Variants in LYVE1 observed in about 807,000 individuals in gnomAD.
LYVE1 encodes lymphatic vessel endothelial hyaluronan receptor 1, also known as lymphatic vessel endothelial hyaluronic acid receptor 1.
In LYVE1, 29 loss-of-function variants were observed where a neutral mutation model predicts 31.5. The ratio of observed to expected loss-of-function variants is 0.92; its 90% CI spans 0.69 to 1.26. LYVE1 has a LOEUF of 1.26. Ranked by LOEUF, LYVE1 falls within the 50% of genes most tolerant of loss-of-function variation. LYVE1 has a pLI of 0.00. For synonymous variants in LYVE1, 134 were observed against 139.4 expected (o/e 0.96, Z 0.27); for missense variants, 376 against 380.2 (o/e 0.99, Z 0.09).
chr11:10,566,630 G>A (rs896522863), intron 1 of LYVE1, among the ~76,000 whole-genome samples: 2 of 152,006 alleles, frequency 1.3e-5, no homozygotes, highest in Non-Finnish European at 2.9e-5. Context: ...TTATCAATTG[G>A]TCTTACTACC....
chr11:10,559,921 T>C (rs1176157835), intron 4 of LYVE1, 27 bp from the exon 5 acceptor site: 1 of 1,533,804 alleles, frequency 6.5e-7, no homozygotes, highest in African/African-American at 1.4e-5. Flanking sequence ...CAAGGCCTGT[T>C]GGTCCTTCAC....
In LYVE1 at chr11:10,560,605, T is replaced by C; in HGVS notation, c.593A>G (p.Lys198Arg). 1.2e-6 allele frequency: 2 copies of C among 1,614,168 alleles called. No homozygotes were observed. The highest frequency in any genetic ancestry group is 1.7e-6 in the Non-Finnish European group (2 of 1,180,004). ...AAAAACTTCTGTGACACAAATCAATTTTTTTCTCCGTGGAATAGAAGTGGA... is the reference window on the plus strand; with the variant it reads ...AAAAACTTCTGTGACACAAATCAATCTTTTTCTCCGTGGAATAGAAGTGGA... ...PASTSIPRRK[K>R]LICVTEVFME... The change falls in exon 4 of 6, where the codon AAA becomes AGA. Residue 198 changes from lysine (K) to arginine (R), a missense_variant. Coordinates refer to ENST00000256178, the MANE Select transcript of LYVE1 (RefSeq NM_006691.4).
intron 1 of LYVE1, among the ~76,000 whole-genome samples, chr11:10,565,766 G>A (rs1483998586): frequency 6.6e-6 from 1 of 151,532 alleles, no homozygotes; most frequent in East Asian, 1.9e-4. Flanking sequence ...TCCCTGAGTA[G>A]CTGGAACTAC....
rs374042493 is a variant in LYVE1, at chr11:10,559,329, G to C, written c.783-32C>G. ...GCAGAAACATGAAATTAAAGTGAGA[G>C]ACTCTCACACATAACGATAGATAAC... On this transcript the variant is annotated intron_variant, in intron 5 of 5. Coordinates refer to ENST00000256178, the MANE Select transcript of LYVE1 (RefSeq NM_006691.4). 4 of 1,569,626 alleles carry C rather than the reference G, an allele frequency of 2.5e-6. No individual in the cohort carries two copies. The African/African-American group carries it at 5.4e-5, about 21-fold the overall frequency.
At chr11:10,568,023 G>T (rs1021377542) in intron 1 of LYVE1, among the ~76,000 whole-genome samples, 1 of 152,066 alleles carries the variant, frequency 6.6e-6, no homozygotes, top group Admixed American at 6.6e-5. Flanking sequence ...ATTACTTCTG[G>T]ATGCAGTGGC....
chr11:10,565,389 A>G (rs1850515118), intron 1 of LYVE1, among the ~76,000 whole-genome samples: 1 of 152,230 alleles, frequency 6.6e-6, no homozygotes, highest in South Asian at 2.1e-4. Context: ...AAAATTGCCA[A>G]GTTGTATTGT....
rs369656468 is a variant in LYVE1 at position 10,564,184 on chromosome 11, G to A, written c.257+19C>T. On this transcript the variant is annotated intron_variant, in intron 2 of 5. Transcript: ENST00000256178. ...AAAAAAGAACTCCAGCAGTGACAGT[G>A]AAACCAGCTTTTTCTCACCTGCAAG... 4.3e-6 allele frequency: 7 copies of A among 1,613,662 alleles called. No individual in the cohort carries two copies. Among genetic ancestry groups the A allele is most frequent in the Non-Finnish European group, 5.9e-6 (7 of 1,179,734 alleles).
chr11:10,564,314 T>C lies in LYVE1; in HGVS notation c.146A>G (p.Asn49Ser). 6.2e-7 allele frequency: 1 copy of C among 1,614,130 alleles called. No homozygotes were observed. The highest frequency in any genetic ancestry group is 1.3e-5 in the African/African-American group (1 of 75,020). Residue 49 changes from asparagine (N) to serine (S), a missense_variant, in exon 2 of 6, where the codon AAC becomes AGC. Asn to Ser is a conservative substitution (Grantham distance 46). Transcript: ENST00000256178. The part of the protein sequence containing the change: ...MGITLVSKKA[N>S]QQLNFTEAKE... ...AGCTTCTGTGAAATTCAGCTGCTGG[T>C]TCGCCTTTTTGCTCACAAGGGTGAT... is the stretch of plus-strand genomic sequence containing the variant.
chr11:10,561,388 G>A (rs925302993), intron 3 of LYVE1, among the ~76,000 whole-genome samples: 1 of 152,182 alleles, frequency 6.6e-6, no homozygotes, highest in African/African-American at 2.4e-5. Flanking sequence ...GATGAATAGG[G>A]AAGGAAGGAA....
At chr11:10,559,339 C>T (rs368146565) in intron 5 of LYVE1, 42 bp from the exon 6 acceptor site, 29 of 1,527,000 alleles carry the variant, frequency 1.9e-5, no homozygotes, top group African/African-American at 8.3e-5. Context: ...GACTCTCACA[C>T]ATAACGATAG....
chr11:10,559,689 G>T, intron 5 of LYVE1, 127 bp downstream of exon 5: 1 of 727,456 alleles, frequency 1.4e-6, no homozygotes, highest in Non-Finnish European at 2.3e-6. Flanking sequence ...ATGAGATGAG[G>T]GAGAAATTTA....
Position 10,558,925 on chromosome 11 carries a change from A to G in LYVE1, c.*186T>C, listed in dbSNP as rs983326239. On this transcript the variant is annotated 3_prime_UTR_variant, in exon 6 of 6. Transcript: ENST00000256178. ...AGGATAGGATCCAGACAGGGTTACAATAAGGAGAAGGGCATTCTCTTTGGT... is the reference window on the plus strand; with the variant it reads ...AGGATAGGATCCAGACAGGGTTACAGTAAGGAGAAGGGCATTCTCTTTGGT... 2.6e-5 allele frequency: 15 copies of G among 568,694 alleles called. No individual in the cohort carries two copies. Among genetic ancestry groups the G allele is most frequent in the Admixed American group, 1.9e-4 (6 of 31,668 alleles). 35.2% of individuals were successfully genotyped at this position (568,694 alleles called of 1,614,324 possible).
At chr11:10,559,411 G>T in intron 5 of LYVE1, 114 bp from the exon 6 acceptor site, 1 of 720,008 alleles carries the variant, frequency 1.4e-6, no homozygotes, top group Non-Finnish European at 2.3e-6. Flanking sequence ...ATTTCAGAGT[G>T]ATGCCAGCAC....
At chr11:10,567,778 T>G (rs977348454) in intron 1 of LYVE1, among the ~76,000 whole-genome samples, 1 of 152,230 alleles carries the variant, frequency 6.6e-6, no homozygotes, top group South Asian at 2.1e-4. Flanking sequence ...TTCAAACTTA[T>G]ATTTTTACAG....
At position 10,564,243 on chromosome 11, in the gene LYVE1, G is replaced by A. The variant is rs1373591005; in HGVS notation, c.217C>T (p.Gln73Ter). ...CTAGCTTTCAAGGCTGTTTCAACTT[G>A]GTCCTTGCCGGCCAAACTTAGTCCC... ...LLGLSLAGKD[Q>*]VETALKASFE... The change falls in exon 2 of 6, where the codon CAA becomes TAA. Residue 73 changes from glutamine (Q) to a stop codon, truncating the protein, a stop_gained. Coordinates refer to ENST00000256178, the MANE Select transcript of LYVE1 (RefSeq NM_006691.4). LOFTEE classifies it high-confidence loss of function. 1 of 1,614,146 alleles carries A rather than the reference G, an allele frequency of 6.2e-7. No individual in the cohort carries two copies. Among genetic ancestry groups the A allele is most frequent in the Non-Finnish European group, 8.5e-7 (1 of 1,180,002 alleles).
At chr11:10,567,325 T>G (rs1291174773) in intron 1 of LYVE1, among the ~76,000 whole-genome samples, 4 of 152,206 alleles carry the variant, frequency 2.6e-5, no homozygotes, top group African/African-American at 9.7e-5. Context: ...TAGAAAATCT[T>G]TTTCCCTTGC....
Position 10,561,701 on chromosome 11 carries a change from A to G in LYVE1, c.398-901T>C, listed in dbSNP as rs538754714. On this transcript the variant is annotated intron_variant, in intron 3 of 5. Coordinates refer to ENST00000256178, the MANE Select transcript of LYVE1 (RefSeq NM_006691.4). ...GGAAACTGAAGTTTAGAGAAATTGA[A>G]TAACTCGCCCAAAGTCACAGAGCTA... Among the ~76,000 whole-genome samples, 11 of 152,354 alleles carry G rather than the reference A, an allele frequency of 7.2e-5. No individual in the cohort carries two copies. In the South Asian group the frequency reaches 2.3e-3, roughly 32 times the overall value.
rs746598821 is a variant in LYVE1, at chr11:10,560,527, G to T, written c.671C>A (p.Ala224Glu). The change falls in exon 4 of 6, where the codon GCA becomes GAA. Residue 224 changes from alanine to glutamate, a missense_variant. Ala to Glu is a moderately radical substitution (Grantham distance 107). Transcript: ENST00000256178. ...TETEPFVENK[A>E]AFKNEAAGFG... Reference sequence around the variant, plus strand: ...CCCAGCAGCTTCATTCTTGAATGCTGCTTTATTTTCAACAAATGGTTCAGT... The same window carrying T: ...CCCAGCAGCTTCATTCTTGAATGCTTCTTTATTTTCAACAAATGGTTCAGT... 3.5e-5 allele frequency: 56 copies of T among 1,611,866 alleles called. No homozygotes were observed. The highest frequency in any genetic ancestry group is 4.6e-5 in the Non-Finnish European group (54 of 1,178,778).
chr11:10,567,027 T>C (rs1850557105), intron 1 of LYVE1, among the ~76,000 whole-genome samples: 2 of 152,206 alleles, frequency 1.3e-5, no homozygotes, highest in South Asian at 2.1e-4. Flanking sequence ...GAGTTAGATA[T>C]AAGGATGTGG....
Sources: gnomAD v4.1 joint callset for allele counts (sites outside exome capture counted in the v4.1 genomes callset) on GRCh38, gnomAD v4.1.1 for gene constraint, MANE v1.5 for transcripts, NCBI Gene and HGNC (gene_info 2026-07-23, HGNC 2026-07-21) for gene names.